Variants in SKAP1 observed in about 807,000 individuals in gnomAD.
SKAP1 encodes src kinase-associated phosphoprotein 1.
Under a neutral mutation model 58.5 loss-of-function variants are expected in SKAP1, and 44 were observed. The observed-to-expected ratio is 0.75, with a 90% CI of 0.59 to 0.97. The LOEUF (loss-of-function observed/expected upper bound fraction) is 0.97, where lower values mean the gene tolerates loss of function less well. Among genes scored for constraint, SKAP1 ranks in the 50% least tolerant of loss-of-function variants. SKAP1 has a pLI of 0.00. For synonymous variants in SKAP1, 127 were observed against 149.7 expected (o/e 0.85, Z 1.11); for missense variants, 390 against 435.2 (o/e 0.90, Z 0.92).
chr17:48,341,109 C>A (rs2066645335), intron 4 of SKAP1, among the ~76,000 whole-genome samples: 1 of 152,140 alleles, frequency 6.6e-6, no homozygotes, highest in African/African-American at 2.4e-5. Context: ...CCTCTCTGAG[C>A]TGGTTTGAGA....
At chr17:48,134,607 C>T (rs996530657) in intron 12 of SKAP1, among the ~76,000 whole-genome samples, 2 of 152,060 alleles carry the variant, frequency 1.3e-5, no homozygotes, top group African/African-American at 4.8e-5. Flanking sequence ...TGAGCCACTG[C>T]GCCTGGCCAG....
At chr17:48,317,116 T>A (rs1219690407) in intron 4 of SKAP1, among the ~76,000 whole-genome samples, 3 of 152,178 alleles carry the variant, frequency 2.0e-5, no homozygotes, top group Non-Finnish European at 4.4e-5. Context: ...CCATACTGAA[T>A]GATGATCCTT....
At chr17:48,428,181 T>C (rs2067874010) in intron 1 of SKAP1, among the ~76,000 whole-genome samples, 1 of 152,010 alleles carries the variant, frequency 6.6e-6, no homozygotes, top group Non-Finnish European at 1.5e-5. Flanking sequence ...AAGTTCTAAT[T>C]GCAAACTTAA....
At chr17:48,174,792 G>C (rs1052613921) in intron 9 of SKAP1, among the ~76,000 whole-genome samples, 2 of 152,160 alleles carry the variant, frequency 1.3e-5, no homozygotes, top group East Asian at 3.9e-4. Context: ...AACAGTAATG[G>C]ATTATAATGG....
At chr17:48,306,243 C>T (rs2066140496) in intron 4 of SKAP1, among the ~76,000 whole-genome samples, 1 of 152,078 alleles carries the variant, frequency 6.6e-6, no homozygotes, top group Non-Finnish European at 1.5e-5. Context: ...CTTGTTATTC[C>T]CAGTATAACA....
the SKAP1 span, among the ~76,000 whole-genome samples, chr17:48,442,984 C>T: frequency 6.6e-6 from 1 of 152,134 alleles, no homozygotes; most frequent in East Asian, 1.9e-4. Flanking sequence ...CTGCATGGAC[C>T]CTTTACTCTC....
chr17:48,313,221 C>T (rs1294623601), intron 4 of SKAP1, among the ~76,000 whole-genome samples: 1 of 152,024 alleles, frequency 6.6e-6, no homozygotes, highest in African/African-American at 2.4e-5. Context: ...GAACTCATGA[C>T]CTTTGACAAG....
chr17:48,330,111 G>T (rs1473877667), intron 4 of SKAP1, among the ~76,000 whole-genome samples: 1 of 152,192 alleles, frequency 6.6e-6, no homozygotes, highest in Non-Finnish European at 1.5e-5. Context: ...TCTTTTGCAG[G>T]ATGGTAGTAT....
At chr17:48,205,052 T>TC (rs2064791686) in intron 4 of SKAP1, among the ~76,000 whole-genome samples, 1 of 146,186 alleles carries the variant, frequency 6.8e-6, no homozygotes, top group African/African-American at 2.6e-5. Context: ...TCTCTCTCTT[T>TC]CTTTCTTCTT....
chr17:48,321,112 A>T (rs2066356136), intron 4 of SKAP1, among the ~76,000 whole-genome samples: 1 of 152,160 alleles, frequency 6.6e-6, no homozygotes, highest in African/African-American at 2.4e-5. Flanking sequence ...AGCAACACTC[A>T]GCTAACCAAG....
At chr17:48,141,006 C>T (rs1488214566) in intron 11 of SKAP1, among the ~76,000 whole-genome samples, 6 of 151,914 alleles carry the variant, frequency 3.9e-5, no homozygotes, top group African/African-American at 9.7e-5. Context: ...AGGCTAGTCT[C>T]GAACTCCTGA....
chr17:48,349,361 A>G (rs1355803769), intron 3 of SKAP1, among the ~76,000 whole-genome samples: 1 of 152,220 alleles, frequency 6.6e-6, no homozygotes, highest in Non-Finnish European at 1.5e-5. Context: ...CTCTACAATT[A>G]GGGCTTAGAA....
At chr17:48,270,146 G>A (rs7213149) in intron 4 of SKAP1, among the ~76,000 whole-genome samples, 67,008 of 151,792 alleles carry the variant, frequency 0.44, 15,006 homozygotes, top group South Asian at 0.61. Context: ...TATTTTCTGC[G>A]TCCTAAAATA....
At chr17:48,403,512 A>G (rs2067529550) in intron 1 of SKAP1, among the ~76,000 whole-genome samples, 1 of 152,140 alleles carries the variant, frequency 6.6e-6, no homozygotes, top group South Asian at 2.1e-4. Context: ...CAAAATTTCA[A>G]GGAAAGTGAA....
At chr17:48,389,351 C>T (rs1262976686) in intron 2 of SKAP1, among the ~76,000 whole-genome samples, 6 of 152,088 alleles carry the variant, frequency 3.9e-5, no homozygotes, top group African/African-American at 7.2e-5. Context: ...GGACACCCTT[C>T]GAAGCCCAAA....
chr17:48,387,344 C>G (rs1032653380), intron 2 of SKAP1, among the ~76,000 whole-genome samples: 3 of 152,122 alleles, frequency 2.0e-5, no homozygotes, highest in African/African-American at 7.2e-5. Flanking sequence ...TATCCCTGTG[C>G]ACTCTCTTCC....
At chr17:48,197,257 C>CAA (rs35979686) in intron 4 of SKAP1, among the ~76,000 whole-genome samples, 21,951 of 97,372 alleles carry the variant, frequency 0.23, 3,058 homozygotes, top group South Asian at 0.31. Flanking sequence ...GACTCCGACT[C>CAA]AAAAAAAAAA....
intron 4 of SKAP1, chr17:48,248,936 C>T (rs2065329634): frequency 6.6e-6 from 1 of 152,102 alleles, no homozygotes; most frequent in Admixed American, 6.5e-5. Context: ...TGGCTCAAGC[C>T]AGTAATCCCA....
chr17:48,340,860 T>C (rs1395039400), intron 4 of SKAP1, among the ~76,000 whole-genome samples: 1 of 152,150 alleles, frequency 6.6e-6, no homozygotes, highest in African/African-American at 2.4e-5. Flanking sequence ...ACATTTATTT[T>C]AAAAATCAAC....
Sources: allele counts gnomAD v4.1 joint callset (sites outside exome capture counted in the v4.1 genomes callset), GRCh38; gene constraint gnomAD v4.1.1; transcripts MANE v1.5; gene names NCBI Gene and HGNC (gene_info 2026-07-23, HGNC 2026-07-21).